Variants in ERC2 observed in about 807,000 individuals in gnomAD.
The protein encoded by ERC2 is ERC protein 2.
ERC2 carries 42 observed loss-of-function variants against 114.8 expected under a neutral mutation model. The observed-to-expected ratio is 0.37, with a 90% CI of 0.29 to 0.47. ERC2 has a LOEUF of 0.47. ERC2 is among the 20% of genes least tolerant of loss of function. The pLI, the probability that ERC2 is intolerant of heterozygous loss-of-function variation, is 0.99. For missense variants in ERC2, 939 were observed against 1,150.7 expected, an observed-to-expected ratio of 0.82 and a Z score of 2.66; for synonymous variants, 454 against 425.5, an observed-to-expected ratio of 1.07 and a Z score of -0.82.
intron 6 of ERC2, among the ~76,000 whole-genome samples, chr3:56,102,085 G>T (rs1010958663): frequency 6.6e-6 from 1 of 152,144 alleles, no homozygotes; most frequent in Non-Finnish European, 1.5e-5. Context: ...TTATTCATAC[G>T]TTCACTGGCT....
chr3:55,883,613 G>A (rs946453317), intron 14 of ERC2, among the ~76,000 whole-genome samples: 4 of 151,906 alleles, frequency 2.6e-5, no homozygotes, highest in Non-Finnish European at 5.9e-5. Context: ...GTTAAGGCCG[G>A]GTGCAGTGGC....
At chr3:56,166,617 A>G (rs1409700809) in intron 4 of ERC2, among the ~76,000 whole-genome samples, 1 of 152,088 alleles carries the variant, frequency 6.6e-6, no homozygotes, top group Non-Finnish European at 1.5e-5. Context: ...TTCTTAAGCA[A>G]GTTTTGACAA....
chr3:55,895,459 C>T (rs2063798377), intron 13 of ERC2, among the ~76,000 whole-genome samples: 2 of 152,272 alleles, frequency 1.3e-5, no homozygotes, highest in East Asian at 1.9e-4. Context: ...TGAAATAATG[C>T]ATGGAAAGTA....
chr3:56,446,613 T>TC (rs2062576779), intron 1 of ERC2, among the ~76,000 whole-genome samples: 1 of 129,882 alleles, frequency 7.7e-6, no homozygotes, highest in Non-Finnish European at 1.6e-5. Flanking sequence ...ATTTTCTTCT[T>TC]TTTTTTTTTT....
intron 17 of ERC2, among the ~76,000 whole-genome samples, chr3:55,540,867 C>T (rs904990265): frequency 3.3e-5 from 5 of 152,202 alleles, no homozygotes; most frequent in African/African-American, 4.8e-5. Context: ...GCACCTAGGG[C>T]AGTCCTGGAA....
chr3:55,875,619 C>T (rs1225760445), intron 14 of ERC2, among the ~76,000 whole-genome samples: 1 of 151,874 alleles, frequency 6.6e-6, no homozygotes, highest in African/African-American at 2.4e-5. Flanking sequence ...CTGAGTGGTC[C>T]CCCTTAACAC....
At chr3:56,375,715 C>T (rs1214370340) in intron 2 of ERC2, among the ~76,000 whole-genome samples, 2 of 152,170 alleles carry the variant, frequency 1.3e-5, no homozygotes, top group East Asian at 3.8e-4. Flanking sequence ...TAATACTCTC[C>T]ACCTCCTGGT....
At chr3:56,312,161 C>G (rs2056620199) in intron 2 of ERC2, among the ~76,000 whole-genome samples, 1 of 152,030 alleles carries the variant, frequency 6.6e-6, no homozygotes, top group Admixed American at 6.6e-5. Context: ...ACCAGTCCCC[C>G]ACAGATACCA....
intron 13 of ERC2, among the ~76,000 whole-genome samples, chr3:55,943,397 T>A (rs1472729122): frequency 6.6e-6 from 1 of 151,966 alleles, no homozygotes; most frequent in Non-Finnish European, 1.5e-5. Context: ...ACCTCAGAGG[T>A]CTCCCTTCCC....
chr3:55,803,642 G>C (rs1431024183), intron 14 of ERC2, among the ~76,000 whole-genome samples: 4 of 150,060 alleles, frequency 2.7e-5, no homozygotes, highest in Admixed American at 1.3e-4. Flanking sequence ...TCTTAATTCA[G>C]AATGAAATTG....
intron 15 of ERC2, among the ~76,000 whole-genome samples, chr3:55,707,429 A>G (rs2063548480): frequency 8.2e-6 from 1 of 121,572 alleles, no homozygotes; most frequent in Admixed American, 7.8e-5. Context: ...ACAGAATGAG[A>G]TCTTGTCTCA....
intron 7 of ERC2, among the ~76,000 whole-genome samples, chr3:56,052,904 A>G (rs2075835842): frequency 6.6e-6 from 1 of 152,140 alleles, no homozygotes; most frequent in Admixed American, 6.5e-5. Flanking sequence ...CTGACAGACC[A>G]CACCTCCAGC....
At position 56,024,870 on chromosome 3, in the gene ERC2, CA is replaced by C. The variant is rs142566068; in HGVS notation, c.1642-5840del. ...GACACTTCTCCAAATATGGTCCCGGCAACTCTTTGTTACCAGTCTTTGACAA... is the reference window on the plus strand; with the variant it reads ...GACACTTCTCCAAATATGGTCCCGGCACTCTTTGTTACCAGTCTTTGACAA... On this transcript the variant is annotated intron_variant, in intron 7 of 17. Coordinates refer to ENST00000288221, the MANE Select transcript of ERC2 (RefSeq NM_015576.3). Among the ~76,000 whole-genome samples the C allele has an allele frequency of 6.0e-4, 92 of 152,352 alleles. 1 individual carries two copies. The highest frequency in any genetic ancestry group is 7.3e-4 in the Non-Finnish European group (50 of 68,038).
rs137943955 is a variant in ERC2 at position 55,563,134 on chromosome 3, C to G, written c.*40-51858G>C. On this transcript the variant is annotated intron_variant, in intron 17 of 17. Coordinates refer to ENST00000288221, the MANE Select transcript of ERC2 (RefSeq NM_015576.3). ...AGCTCCAGATACCAGAGAGACTGTA[C>G]ACATATGAAGAGGATGAAGGTGCTG... Among the ~76,000 whole-genome samples, 50 of 152,272 alleles carry G rather than the reference C, an allele frequency of 3.3e-4. No individual in the cohort carries two copies. In the Middle Eastern group the frequency reaches 0.01, roughly 31 times the overall value.
At chr3:56,360,061 C>CTTTTTTTTTTTTTTTTTTTTTTTTTTTT (rs5849149) in intron 2 of ERC2, among the ~76,000 whole-genome samples, 1 of 99,166 alleles carries the variant, frequency 1.0e-5, no homozygotes, top group Non-Finnish European at 1.9e-5. Context: ...TAACAAAAAT[C>CTTTTTTTTTTTTTTTTTTTTTTTTTTTT]TTTTTTTTTT....
intron 17 of ERC2, among the ~76,000 whole-genome samples, chr3:55,673,154 G>T (rs770013827): frequency 2.6e-5 from 4 of 152,136 alleles, no homozygotes; most frequent in Non-Finnish European, 5.9e-5. Flanking sequence ...ACAATTCTTT[G>T]CAGTGGCCAA....
intron 8 of ERC2, among the ~76,000 whole-genome samples, chr3:56,018,597 C>A (rs775722407): frequency 6.6e-6 from 1 of 152,210 alleles, no homozygotes; most frequent in East Asian, 1.9e-4. Flanking sequence ...AGAAGGGACC[C>A]TGGGGGCCAG....
intron 2 of ERC2, among the ~76,000 whole-genome samples, chr3:56,397,882 C>T (rs2060372073): frequency 6.6e-6 from 1 of 152,196 alleles, no homozygotes; most frequent in Non-Finnish European, 1.5e-5. Context: ...GACAGCTGCT[C>T]CAACTCCCTC....
At chr3:56,158,752 T>G (rs1337144633) in intron 4 of ERC2, among the ~76,000 whole-genome samples, 1 of 151,994 alleles carries the variant, frequency 6.6e-6, no homozygotes, top group Non-Finnish European at 1.5e-5. Flanking sequence ...AACCAAGAAT[T>G]TAAAAAATAG....
Sources: gnomAD v4.1 joint callset for allele counts (sites outside exome capture counted in the v4.1 genomes callset) on GRCh38, gnomAD v4.1.1 for gene constraint, MANE v1.5 for transcripts, NCBI Gene and HGNC (gene_info 2026-07-23, HGNC 2026-07-21) for gene names.